Variants in APOBEC3F observed in about 807,000 individuals in gnomAD.
The protein encoded by APOBEC3F is DNA dC->dU-editing enzyme APOBEC-3F.
APOBEC3F carries 34 observed loss-of-function variants against 45.8 expected under a neutral mutation model. That is an observed-to-expected ratio of 0.74 (90% CI 0.57 to 0.99). The LOEUF is 0.99. APOBEC3F is among the 50% of genes least tolerant of loss of function. The pLI is 0.00. For synonymous variants in APOBEC3F, 192 were observed against 174.4 expected, an observed-to-expected ratio of 1.10 and a Z score of -0.80; for missense variants, 459 against 474.1, an observed-to-expected ratio of 0.97 and a Z score of 0.30.
chr22:39,044,208 C>A lies in APOBEC3F; in HGVS notation c.172-733C>A, dbSNP rs765140295. On this transcript the variant is annotated intron_variant, in intron 2 of 6. Coordinates refer to ENST00000308521, the MANE Select transcript of APOBEC3F (RefSeq NM_145298.6). ...AGCTGACCGCAGGCAGGGAACAAGG[C>A]AGACCCTAGAGGGCCAGGCCACAGC... The A allele has an allele frequency of 1.9e-6, 3 of 1,609,716 alleles. No homozygotes were observed. In the East Asian group the frequency reaches 6.7e-5, roughly 36 times the overall value.
chr22:39,052,624 T>A lies in APOBEC3F; in HGVS notation c.1051T>A (p.Phe351Ile). 6.2e-7 allele frequency: 1 copy of A among 1,614,040 alleles called. No homozygotes were observed. The highest frequency in any genetic ancestry group is 1.3e-5 in the African/African-American group (1 of 75,046). ...ENFVYNDDEPFKPWKGLKYNF... is the reference protein window; with the variant it reads ...ENFVYNDDEPIKPWKGLKYNF... Reference sequence around the variant, plus strand: ...CTTTGTGTACAATGATGATGAGCCATTCAAGCCTTGGAAAGGACTAAAATA... The same window carrying A: ...CTTTGTGTACAATGATGATGAGCCAATCAAGCCTTGGAAAGGACTAAAATA... Residue 351 changes from phenylalanine to isoleucine, a missense_variant, in exon 7 of 7, where the codon TTC becomes ATC. Phe to Ile is a conservative substitution (Grantham distance 21, BLOSUM62 0). Transcript: ENST00000308521.
chr22:39,049,540 C>CA lies in APOBEC3F; in HGVS notation c.683dup (p.His228GlnfsTer18). On this transcript the variant is annotated frameshift_variant, in exon 5 of 7. Transcript: ENST00000308521. LOFTEE classifies it high-confidence loss of function. ...CTTCACCATGGAAGTTGTAAAGCACCACTCACCTGTCTCCTGGAAGAGGGG... is the reference window on the plus strand; with the variant it reads ...CTTCACCATGGAAGTTGTAAAGCACCAACTCACCTGTCTCCTGGAAGAGGGG... 6.2e-7 allele frequency: 1 copy of CA among 1,614,004 alleles called. No individual in the cohort carries two copies. Among genetic ancestry groups the CA allele is most frequent in the Non-Finnish European group, 8.5e-7 (1 of 1,179,986 alleles).
At chr22:39,045,858 T>G (rs189480794) in intron 4 of APOBEC3F, among the ~76,000 whole-genome samples, 2 of 152,316 alleles carry the variant, frequency 1.3e-5, no homozygotes, top group Non-Finnish European at 2.9e-5. Context: ...GTCATAAAAC[T>G]GGACGTAAGT....
In APOBEC3F at chr22:39,055,834, A is replaced by G. The variant is rs1008146185; in HGVS notation, c.*3139A>G. Among the ~76,000 whole-genome samples, 5 of 151,954 alleles carry G rather than the reference A, an allele frequency of 3.3e-5. No individual in the cohort carries two copies. The highest frequency in any genetic ancestry group is 9.7e-5 in the African/African-American group (4 of 41,350). On this transcript the variant is annotated 3_prime_UTR_variant, in exon 7 of 7. Coordinates refer to ENST00000308521, the MANE Select transcript of APOBEC3F (RefSeq NM_145298.6). ...CCAGTCACGTAGCCCACGCTTGCAC[A>G]ATCTATCACGACCCTTTCACGTGGA...
chr22:39,052,386 C>A lies in APOBEC3F; in HGVS notation c.1003+33C>A, dbSNP rs182695042. The A allele has an allele frequency of 3.1e-6, 5 of 1,609,410 alleles. No homozygotes were observed. The African/African-American group carries it at 6.7e-5, about 21-fold the overall frequency. On this transcript the variant is annotated intron_variant, in intron 6 of 6. Coordinates refer to ENST00000308521, the MANE Select transcript of APOBEC3F (RefSeq NM_145298.6). The stretch of plus-strand genomic sequence containing the variant: ...GTTGGGGGGCTGAGGAGAGTGGGTG[C>A]GGGAGGGACAGCATGAGGGGCAGGT...
chr22:39,045,074 A>C lies in APOBEC3F; in HGVS notation c.305A>C (p.Lys102Thr), dbSNP rs575153290. The C allele has an allele frequency of 3.1e-6, 5 of 1,613,910 alleles. No homozygotes were observed. The highest frequency in any genetic ancestry group is 1.7e-5 in the Admixed American group (1 of 59,992). ...ACCCCCTGCCCGGACTGTGTGGCGA[A>C]GCTGGCCGAATTCCTGGCTGAGCAC... ...SWTPCPDCVA[K>T]LAEFLAEHPN... is the part of the protein sequence containing the mutation. The change falls in exon 3 of 7, where the codon AAG (lysine) becomes ACG (threonine). Residue 102 changes from lysine to threonine, a missense_variant. Coordinates refer to ENST00000308521, the MANE Select transcript of APOBEC3F (RefSeq NM_145298.6).
rs1163402634 is a variant in APOBEC3F, at chr22:39,054,295, A to G, written c.*1600A>G. On this transcript the variant is annotated 3_prime_UTR_variant, in exon 7 of 7. Coordinates refer to ENST00000308521, the MANE Select transcript of APOBEC3F (RefSeq NM_145298.6). Reference sequence around the variant, plus strand: ...TGCCCAGGCTGGGGTGCAGTGGTGCAATCTGGGTTCACTGCAGCCTCTGCC... The same window carrying G: ...TGCCCAGGCTGGGGTGCAGTGGTGCGATCTGGGTTCACTGCAGCCTCTGCC... Among the ~76,000 whole-genome samples the G allele has an allele frequency of 6.6e-6, 1 of 151,972 alleles. No homozygotes were observed. Among genetic ancestry groups the G allele is most frequent in the East Asian group, 1.9e-4 (1 of 5,190 alleles).
chr22:39,047,265 G>A (rs112668702), intron 4 of APOBEC3F, among the ~76,000 whole-genome samples: 2,331 of 152,206 alleles, frequency 0.015, 61 homozygotes, highest in African/African-American at 0.052. Flanking sequence ...CATAGCTACC[G>A]GGTGGGGGGC....
At chr22:39,043,176 C>A (rs939702587) in intron 2 of APOBEC3F, 86 bp downstream of exon 2, 2 of 1,482,168 alleles carry the variant, frequency 1.3e-6, no homozygotes, top group Non-Finnish European at 1.8e-6. Context: ...AAGTGCCCGG[C>A]GGCGGGCTAT....
intron 2 of APOBEC3F, 114 bp downstream of exon 2, chr22:39,043,204 C>T (rs1927010916): frequency 1.5e-6 from 2 of 1,369,906 alleles, no homozygotes; most frequent in South Asian, 1.5e-5. Flanking sequence ...GTCCTTCTCT[C>T]CCACACTTTC....
At chr22:39,051,963 T>C (rs1306706920) in intron 5 of APOBEC3F, 111 bp from the exon 6 acceptor site, 1 of 1,474,968 alleles carries the variant, frequency 6.8e-7, no homozygotes, top group African/African-American at 1.4e-5. Flanking sequence ...CAAAAATAAA[T>C]AAGGAAACGC....
At chr22:39,045,398 G>A (rs1264327322) in intron 3 of APOBEC3F, 30 bp from the exon 4 acceptor site, 3 of 1,614,084 alleles carry the variant, frequency 1.9e-6, no homozygotes, top group East Asian at 2.2e-5. Flanking sequence ...TCAGGGCAGA[G>A]CCTGACTGCT....
In APOBEC3F at chr22:39,055,662, T is replaced by G. The variant is rs997119559; in HGVS notation, c.*2967T>G. On this transcript the variant is annotated 3_prime_UTR_variant, in exon 7 of 7. Coordinates refer to ENST00000308521, the MANE Select transcript of APOBEC3F (RefSeq NM_145298.6). Reference sequence around the variant, plus strand: ...AAGTAAGATCAATGGCCAGACTGTTTGGCGCTGCTACCTGGGCCTGGTAGT... The same window carrying G: ...AAGTAAGATCAATGGCCAGACTGTTGGGCGCTGCTACCTGGGCCTGGTAGT... Among the ~76,000 whole-genome samples, 9 of 152,320 alleles carry G rather than the reference T, an allele frequency of 5.9e-5. No homozygotes were observed. The highest frequency in any genetic ancestry group is 2.2e-4 in the African/African-American group (9 of 41,570).
intron 2 of APOBEC3F, 70 bp from the exon 3 acceptor site, chr22:39,044,870 TC>T (rs984108341): frequency 7.1e-7 from 1 of 1,405,770 alleles, no homozygotes; most frequent in African/African-American, 1.4e-5. Flanking sequence ...GCCCCTCCTC[TC>T]CCTGCCCCAC....
Position 39,052,565 on chromosome 22 carries a change from G to C in APOBEC3F, c.1004-12G>C. 1 of 1,610,584 alleles carries C rather than the reference G, an allele frequency of 6.2e-7. No homozygotes were observed. The highest frequency in any genetic ancestry group is 1.1e-5 in the South Asian group (1 of 90,694). ...GCTGGGCCCTCACTGCTTTCTCCTT[G>C]TTTTTTCTCAGATTTTAAATATTGT... On this transcript the variant is annotated splice_polypyrimidine_tract_variant and intron_variant, in intron 6 of 6. Transcript: ENST00000308521.
rs767538080 is a variant in APOBEC3F at position 39,052,669 on chromosome 22, A to G, written c.1096A>G (p.Ser366Gly). The G allele has an allele frequency of 6.2e-7, 1 of 1,613,904 alleles. No homozygotes were observed. Among genetic ancestry groups the G allele is most frequent in the Non-Finnish European group, 8.5e-7 (1 of 1,179,796 alleles). ...AAAATACAACTTTCTATTCCTGGAC[A>G]GCAAGCTGCAGGAGATTCTCGAGTG... is the stretch of plus-strand genomic sequence containing the variant. ...GLKYNFLFLD[S>G]KLQEILE Residue 366 changes from serine to glycine, a missense_variant, in exon 7 of 7, where the codon AGC becomes GGC. Coordinates refer to ENST00000308521, the MANE Select transcript of APOBEC3F (RefSeq NM_145298.6).
At chr22:39,042,306 CTCTCTTTTTT>C (rs1355499286) in intron 1 of APOBEC3F, among the ~76,000 whole-genome samples, 1 of 132,532 alleles carries the variant, frequency 7.5e-6, no homozygotes, top group Non-Finnish European at 1.6e-5. Flanking sequence ...TTTATTCTCT[CTCTCTTTTTT>C]TTTTTTTTTT....
At chr22:39,046,308 G>C (rs1191405366) in intron 4 of APOBEC3F, among the ~76,000 whole-genome samples, 5 of 152,184 alleles carry the variant, frequency 3.3e-5, no homozygotes, top group Admixed American at 1.3e-4. Flanking sequence ...TGAGGAGGTG[G>C]GGATGAGGGT....
chr22:39,042,805 C>A, intron 1 of APOBEC3F, 132 bp from the exon 2 acceptor site: 1 of 1,408,074 alleles, frequency 7.1e-7, no homozygotes, highest in South Asian at 1.5e-5. Context: ...GGGAAGGAAG[C>A]AAAAATTCTC....
Sources: gnomAD v4.1 joint callset for allele counts (sites outside exome capture counted in the v4.1 genomes callset) on GRCh38, gnomAD v4.1.1 for gene constraint, MANE v1.5 for transcripts, NCBI Gene and HGNC (gene_info 2026-07-23, HGNC 2026-07-21) for gene names.